The following TRPC3 variants were observed in gnomAD, a reference collection of about 807,000 sequenced individuals.
TRPC3 encodes transient receptor potential cation channel subfamily C member 3.
A neutral mutation model predicts 90.9 loss-of-function variants in TRPC3; 54 were observed. That is an observed-to-expected ratio of 0.59 (90% CI 0.48 to 0.75). TRPC3 has a LOEUF of 0.75. TRPC3 is among the 30% of genes least tolerant of loss of function. The pLI is 0.00. For missense variants in TRPC3, 918 were observed against 1,194.5 expected, an observed-to-expected ratio of 0.77 and a Z score of 3.41; for synonymous variants, 424 against 450.9, an observed-to-expected ratio of 0.94 and a Z score of 0.75.
At chr4:121,882,545 T>G (rs756620894) in intron 10 of TRPC3, 116 bp from the exon 11 acceptor site, 27 of 796,588 alleles carry the variant, frequency 3.4e-5, no homozygotes, top group Non-Finnish European at 5.0e-5. Context: ...GAAAAAAATT[T>G]TATAACTATG....
At chr4:121,930,654 A>G (rs1260240763) in intron 2 of TRPC3, 1 of 263,142 alleles carries the variant, frequency 3.8e-6, no homozygotes, top group Non-Finnish European at 7.4e-6. Context: ...ATATATCAAG[A>G]AAAATGTGTA....
In TRPC3 at chr4:121,932,943, G is replaced by A. The variant is rs144836583; in HGVS notation, c.315C>T (p.Arg105=). Residue 105 remains arginine, a synonymous_variant, in exon 2 of 12, where the codon CGC becomes CGT. Transcript: ENST00000379645. This position sits in a 1 kb window ranked among gnomAD's most constrained non-coding sequence, Gnocchi z 7.7. ...CCTCCTCGGCGGTGAGGCTGGTGCCGCGGTCATTGAACATGAAGGCCGGGC... is the reference window on the plus strand; with the variant it reads ...CCTCCTCGGCGGTGAGGCTGGTGCCACGGTCATTGAACATGAAGGCCGGGC... The part of the protein sequence containing the change: ...VRGPAFMFND[R]GTSLTAEEER... 43 of 1,613,716 alleles carry A rather than the reference G, an allele frequency of 2.7e-5. No individual in the cohort carries two copies. The highest frequency in any genetic ancestry group is 8.3e-5 in the Admixed American group (5 of 59,992).
At chr4:121,889,043 T>G (rs1728230506) in intron 10 of TRPC3, among the ~76,000 whole-genome samples, 1 of 152,124 alleles carries the variant, frequency 6.6e-6, no homozygotes, top group Non-Finnish European at 1.5e-5. Context: ...GAACATACAT[T>G]GGGGAAAGGA....
chr4:121,894,281 G>T, intron 10 of TRPC3, among the ~76,000 whole-genome samples: 1 of 151,790 alleles, frequency 6.6e-6, no homozygotes, highest in Non-Finnish European at 1.5e-5. Flanking sequence ...TAATAATAAG[G>T]GGATCAGCTC....
At position 121,932,614 on chromosome 4, in the gene TRPC3, A is replaced by G; in HGVS notation, c.644T>C (p.Leu215Pro). ...GTAAGCGTAGAAGTCGTCGTCCTGC[A>G]GCTCCTGCTCACAGGGGCTCAGAGT... Reference protein sequence around the residue: ...RLTLSPCEQELQDDDFYAYDE... With the variant: ...RLTLSPCEQEPQDDDFYAYDE... The change falls in exon 2 of 12, where the codon CTG becomes CCG. Residue 215 changes from leucine to proline, a missense_variant. Around this residue, in one of 4 missense-constraint regions of TRPC3, gnomAD observed 609 missense variants for 725.9 expected, o/e 0.84. Transcript: ENST00000379645. This position sits in a 1 kb window ranked among gnomAD's most constrained non-coding sequence, Gnocchi z 7.7. 6.2e-7 allele frequency: 1 copy of G among 1,613,918 alleles called. No individual in the cohort carries two copies. Among genetic ancestry groups the G allele is most frequent in the Non-Finnish European group, 8.5e-7 (1 of 1,179,842 alleles).
At chr4:121,930,461 A>G (rs1254563063) in intron 2 of TRPC3, among the ~76,000 whole-genome samples, 3 of 152,182 alleles carry the variant, frequency 2.0e-5, no homozygotes, top group African/African-American at 7.2e-5. Flanking sequence ...GGGAGATTCT[A>G]AGCATTACCA....
chr4:121,944,173 G>C (rs991466562), intron 1 of TRPC3, among the ~76,000 whole-genome samples: 28 of 152,184 alleles, frequency 1.8e-4, no homozygotes, highest in African/African-American at 5.8e-4. Context: ...CAACACTGAG[G>C]GCAGTAGAGG....
chr4:121,888,786 T>C (rs1021387523), intron 10 of TRPC3, among the ~76,000 whole-genome samples: 1 of 152,228 alleles, frequency 6.6e-6, no homozygotes, highest in African/African-American at 2.4e-5. Flanking sequence ...CAATTGTTAT[T>C]ATTACTCATT....
At chr4:121,938,348 T>G (rs1484995187) in intron 1 of TRPC3, among the ~76,000 whole-genome samples, 1 of 152,172 alleles carries the variant, frequency 6.6e-6, no homozygotes, top group African/African-American at 2.4e-5. Flanking sequence ...GTTTAGAAAT[T>G]TCAAGGTCAT....
chr4:121,903,036 A>T lies in TRPC3; in HGVS notation c.2279T>A (p.Phe760Tyr). ...IEDDSDVEWK[F>Y]ARSKLWLSYF... ...GGATAACCAAAGTTTTGAACGAGCA[A>T]ACTTCCATTCTACATCACTGTCATC... Residue 760 changes from phenylalanine to tyrosine, a missense_variant, in exon 9 of 12, where the codon TTT (phenylalanine) becomes TAT (tyrosine). Coordinates refer to ENST00000379645, the MANE Select transcript of TRPC3 (RefSeq NM_001130698.2). 6.2e-7 allele frequency: 1 copy of T among 1,613,092 alleles called. No homozygotes were observed. The highest frequency in any genetic ancestry group is 1.3e-5 in the African/African-American group (1 of 75,018).
intron 1 of TRPC3, among the ~76,000 whole-genome samples, chr4:121,936,875 T>C (rs762191546): frequency 5.1e-4 from 78 of 152,210 alleles, no homozygotes; most frequent in Non-Finnish European, 6.2e-4. Context: ...CATTCTATGA[T>C]ATTTTGTCAT....
rs1248572336 is a variant in TRPC3 at position 121,932,664 on chromosome 4, A to G, written c.594T>C (p.Pro198=). 2.5e-6 allele frequency: 4 copies of G among 1,612,722 alleles called. No homozygotes were observed. Among genetic ancestry groups the G allele is most frequent in the Non-Finnish European group, 2.5e-6 (3 of 1,178,980 alleles). The stretch of plus-strand genomic sequence containing the variant: ...TGAGACGCTTGCTGGCCGCGAAGCC[A>G]GGGTGGTTGAGGATGGCCTCTACGA... ...VRIVEAILNH[P]GFAASKRLTL... The change falls in exon 2 of 12, where the codon CCT becomes CCC. Residue 198 remains proline (P), a synonymous_variant. Coordinates refer to ENST00000379645, the MANE Select transcript of TRPC3 (RefSeq NM_001130698.2). The surrounding 1 kb of genome is among the most constrained non-coding windows in gnomAD (Gnocchi z 7.7).
chr4:121,921,170 G>T lies in TRPC3; in HGVS notation c.1176+3848C>A, dbSNP rs180761015. Reference sequence around the variant, plus strand: ...CAGATCTCTGGGAATCCTGAGCCCAGTTAGAAGACAATAGACTCAGAACCA... The same window carrying T: ...CAGATCTCTGGGAATCCTGAGCCCATTTAGAAGACAATAGACTCAGAACCA... On this transcript the variant is annotated intron_variant, in intron 3 of 11. Coordinates refer to ENST00000379645, the MANE Select transcript of TRPC3 (RefSeq NM_001130698.2). Among the ~76,000 whole-genome samples the T allele has an allele frequency of 1.3e-3, 202 of 152,270 alleles. 1 individual carries two copies. The highest frequency in any genetic ancestry group is 4.7e-3 in the African/African-American group (195 of 41,552).
At chr4:121,894,604 C>T (rs1368811364) in intron 10 of TRPC3, among the ~76,000 whole-genome samples, 1 of 122,820 alleles carries the variant, frequency 8.1e-6, no homozygotes, top group Non-Finnish European at 1.6e-5. Flanking sequence ...CACTCTGTAC[C>T]CTAGGCTGGA....
chr4:121,905,695 T>C (rs1728856642), intron 7 of TRPC3, among the ~76,000 whole-genome samples: 1 of 152,136 alleles, frequency 6.6e-6, no homozygotes, highest in South Asian at 2.1e-4. Context: ...ACATCCTAAA[T>C]AACAATGAAT....
At chr4:121,925,661 T>C (rs574380700) in intron 2 of TRPC3, among the ~76,000 whole-genome samples, 2 of 152,292 alleles carry the variant, frequency 1.3e-5, no homozygotes, top group African/African-American at 4.8e-5. Flanking sequence ...CTGTACTATA[T>C]ACTTCAAAAT....
chr4:121,898,331 GCT>G (rs1433564832), intron 10 of TRPC3, among the ~76,000 whole-genome samples: 1 of 152,176 alleles, frequency 6.6e-6, no homozygotes, highest in African/African-American at 2.4e-5. Context: ...GAAGTGACAG[GCT>G]GGCAAGCGAG....
At chr4:121,930,778 CT>C in intron 2 of TRPC3, 1 of 352,320 alleles carries the variant, frequency 2.8e-6, no homozygotes, top group East Asian at 1.0e-4. Context: ...TACCTAAATG[CT>C]TTTCTACTGT....
intron 3 of TRPC3, among the ~76,000 whole-genome samples, chr4:121,918,842 G>A (rs1261862232): frequency 1.3e-5 from 2 of 152,180 alleles, no homozygotes; most frequent in African/African-American, 4.8e-5. Context: ...AGCAAGTGAA[G>A]GCAAAAAAGC....
Sources: allele counts gnomAD v4.1 joint callset (sites outside exome capture counted in the v4.1 genomes callset), GRCh38; gene constraint gnomAD v4.1.1; regional missense constraint gnomAD v4.1.1; non-coding constraint Gnocchi (gnomAD v3.1); transcripts MANE v1.5; gene names NCBI Gene and HGNC (gene_info 2026-07-23, HGNC 2026-07-21).